Variants in FANCL observed in about 807,000 individuals in gnomAD.
The protein encoded by FANCL is FA complementation group L.
In FANCL, 69 loss-of-function variants were observed where a neutral mutation model predicts 59.4. The observed-to-expected ratio is 1.16, with a 90% confidence interval of 0.96 to 1.42. The LOEUF (loss-of-function observed/expected upper bound fraction) is 1.42, where lower values mean the gene tolerates loss of function less well. Ranked by LOEUF, FANCL falls within the 40% of genes most tolerant of loss-of-function variation. The probability of loss-of-function intolerance (pLI) is 0.00; values close to 1 mark genes in which losing one functional copy is unlikely to be tolerated. For synonymous variants in FANCL, 180 were observed against 147.1 expected (o/e 1.22, Z -1.62); for missense variants, 519 against 447.2 (o/e 1.16, Z -1.45).
chr2:58,227,970 G>C (rs1241607018), intron 3 of FANCL, among the ~76,000 whole-genome samples: 2 of 152,172 alleles, frequency 1.3e-5, no homozygotes, highest in African/African-American at 4.8e-5. Context: ...AGTGATGTGA[G>C]TGGGAAGAGG....
chr2:58,164,893 C>T (rs1041600685), intron 8 of FANCL, among the ~76,000 whole-genome samples: 1 of 151,982 alleles, frequency 6.6e-6, no homozygotes, highest in African/African-American at 2.4e-5. Flanking sequence ...CGTAATACCA[C>T]GTATGTGACA....
chr2:58,178,866 T>C (rs1420615515), intron 7 of FANCL, among the ~76,000 whole-genome samples: 2 of 152,178 alleles, frequency 1.3e-5, no homozygotes, highest in Admixed American at 1.3e-4. Context: ...CTTAAGCTGA[T>C]AAGCAACATC....
chr2:58,217,406 T>C (rs1691949453), intron 5 of FANCL, among the ~76,000 whole-genome samples: 1 of 150,406 alleles, frequency 6.6e-6, no homozygotes, highest in African/African-American at 2.4e-5. Context: ...CAGTTTCTGG[T>C]GGCTGCCAGC....
At chr2:58,237,502 A>T (rs919264963) in intron 1 of FANCL, among the ~76,000 whole-genome samples, 1 of 152,128 alleles carries the variant, frequency 6.6e-6, no homozygotes, top group African/African-American at 2.4e-5. Flanking sequence ...TCTGTACTAG[A>T]ATAGAAGAAA....
At chr2:58,230,093 G>C (rs1693422754) in intron 2 of FANCL, among the ~76,000 whole-genome samples, 1 of 152,144 alleles carries the variant, frequency 6.6e-6, no homozygotes. Flanking sequence ...TAAATGACAT[G>C]CAAACAGTAC....
At chr2:58,171,918 C>T (rs1686672457) in intron 7 of FANCL, among the ~76,000 whole-genome samples, 1 of 152,224 alleles carries the variant, frequency 6.6e-6, no homozygotes, top group Non-Finnish European at 1.5e-5. Context: ...CTGCGCTTTT[C>T]CGACGGGTTT....
At position 58,193,719 on chromosome 2, in the gene FANCL, T is replaced by C. The variant is rs569917220; in HGVS notation, c.540+4875A>G. The stretch of plus-strand genomic sequence containing the variant: ...AAAAATGGAAAGAAAAAGAATCCAG[T>C]TGGTCAAAAGAACTTCCACAGGATT... On this transcript the variant is annotated intron_variant, in intron 7 of 13. Coordinates refer to ENST00000233741, the MANE Select transcript of FANCL (RefSeq NM_018062.4). 7.9e-5 allele frequency among the ~76,000 whole-genome samples: 12 copies of C among 152,190 alleles called. No individual in the cohort carries two copies. In the East Asian group the frequency reaches 2.3e-3, roughly 29 times the overall value.
chr2:58,170,606 C>T (rs1295763851), intron 7 of FANCL, among the ~76,000 whole-genome samples: 2 of 151,560 alleles, frequency 1.3e-5, no homozygotes, highest in African/African-American at 2.4e-5. Flanking sequence ...CACTGCTATG[C>T]TGTATTCAGG....
rs144593535 is a variant in FANCL at position 58,231,429 on chromosome 2, G to A, written c.155+625C>T. Among the ~76,000 whole-genome samples the A allele has an allele frequency of 3.2e-3, 491 of 152,206 alleles. 1 individual carries two copies. Among genetic ancestry groups the A allele is most frequent in the Middle Eastern group, 0.014 (4 of 294 alleles). ...CATCTGTGACCTCTTCTCTAGCTTA[G>A]AGATCTGAGCCGGGAATTTGAAAAG... On this transcript the variant is annotated intron_variant, in intron 2 of 13. Transcript: ENST00000233741.
intron 5 of FANCL, among the ~76,000 whole-genome samples, chr2:58,217,644 T>C (rs1353885379): frequency 2.6e-5 from 4 of 151,834 alleles, no homozygotes; most frequent in South Asian, 2.1e-4. Context: ...AAGGAAGATA[T>C]AGCAATTATA....
Position 58,226,758 on chromosome 2 carries a change from C to G in FANCL, c.243G>C (p.Met81Ile). 6.2e-7 allele frequency: 1 copy of G among 1,613,246 alleles called. No homozygotes were observed. ...QQRMQHSPDL[M>I]SFMMELKMLL... ...GCATCTTCAACTCCATCATAAAGCTCATTAGATCAGGAGAGTGCTGCATTC... is the reference window on the plus strand; with the variant it reads ...GCATCTTCAACTCCATCATAAAGCTGATTAGATCAGGAGAGTGCTGCATTC... The change falls in exon 4 of 14, where the codon ATG becomes ATC. Residue 81 changes from methionine to isoleucine, a missense_variant. By Grantham distance (10) the Met-to-Ile change is conservative. Coordinates refer to ENST00000233741, the MANE Select transcript of FANCL (RefSeq NM_018062.4).
chr2:58,161,687 T>C (rs1444060205), intron 11 of FANCL, 49 bp from the exon 12 acceptor site: 8 of 1,227,354 alleles, frequency 6.5e-6, no homozygotes, highest in Admixed American at 1.7e-5. Flanking sequence ...CACTAACTTA[T>C]TCGTTGTACA....
intron 5 of FANCL, chr2:58,213,406 T>C (rs890538407): frequency 2.6e-5 from 4 of 152,168 alleles, no homozygotes; most frequent in African/African-American, 9.7e-5. Flanking sequence ...GCCATAAAAA[T>C]AAAGTTGATA....
chr2:58,165,614 A>T, intron 8 of FANCL, 110 bp downstream of exon 8: 1 of 1,375,150 alleles, frequency 7.3e-7, no homozygotes, highest in East Asian at 2.3e-5. Flanking sequence ...GAAAATTTTA[A>T]TAGTTGACTT....
Position 58,231,722 on chromosome 2 carries a change from T to A in FANCL, c.155+332A>T, listed in dbSNP as rs116052376. On this transcript the variant is annotated intron_variant, in intron 2 of 13. Transcript: ENST00000233741. ...ATAATGAATATACACATTAATAATA[T>A]CAGTCAAAAGTTGGAAAAAAAGTTT... 8.0e-3 allele frequency among the ~76,000 whole-genome samples: 1,225 copies of A among 152,308 alleles called. 5 individuals are homozygous for A. Among genetic ancestry groups the A allele is most frequent in the Non-Finnish European group, 0.013 (916 of 68,012 alleles).
At chr2:58,211,875 A>C (rs894365017) in intron 5 of FANCL, among the ~76,000 whole-genome samples, 1 of 150,998 alleles carries the variant, frequency 6.6e-6, no homozygotes, top group African/African-American at 2.4e-5. Context: ...CTTACTGTCC[A>C]TATCACCATC....
At chr2:58,237,106 C>T (rs1159239255) in intron 1 of FANCL, among the ~76,000 whole-genome samples, 1 of 152,132 alleles carries the variant, frequency 6.6e-6, no homozygotes, top group African/African-American at 2.4e-5. Flanking sequence ...CTGGGTAGCA[C>T]TCTGAACCAA....
intron 7 of FANCL, among the ~76,000 whole-genome samples, chr2:58,192,112 C>T (rs1688982990): frequency 6.6e-6 from 1 of 151,802 alleles, no homozygotes; most frequent in Admixed American, 6.6e-5. Flanking sequence ...AGTTAACGTA[C>T]CAATGAAGGC....
At chr2:58,211,490 A>T (rs1398838906) in intron 5 of FANCL, among the ~76,000 whole-genome samples, 1 of 152,082 alleles carries the variant, frequency 6.6e-6, no homozygotes, top group Non-Finnish European at 1.5e-5. Flanking sequence ...TTTCCCCATT[A>T]TCTTGGGGAC....
Sources: allele counts gnomAD v4.1 joint callset (sites outside exome capture counted in the v4.1 genomes callset), GRCh38; gene constraint gnomAD v4.1.1; transcripts MANE v1.5; gene names NCBI Gene and HGNC (gene_info 2026-07-23, HGNC 2026-07-21).